The following CTNND2 variants were observed in gnomAD, a reference collection of about 807,000 sequenced individuals.
CTNND2 encodes the protein catenin delta 2.
Under a neutral mutation model 144.4 loss-of-function variants are expected in CTNND2, and 22 were observed. The observed-to-expected ratio is 0.15, with a 90% confidence interval of 0.11 to 0.22. CTNND2 has a LOEUF of 0.22. CTNND2 is among the 10% of genes least tolerant of loss of function. CTNND2 has a pLI of 1.00. For synonymous variants in CTNND2, 751 were observed against 695.6 expected, an observed-to-expected ratio of 1.08 and a Z score of -1.25; for missense variants, 1,353 against 1,618.8, an observed-to-expected ratio of 0.84 and a Z score of 2.82.
chr5:11,143,579 T>C (rs934532813), intron 12 of CTNND2, among the ~76,000 whole-genome samples: 1 of 152,232 alleles, frequency 6.6e-6, no homozygotes, highest in Admixed American at 6.5e-5. Flanking sequence ...ATCAGTCACA[T>C]TGGATTGGAG....
intron 3 of CTNND2, among the ~76,000 whole-genome samples, chr5:11,426,254 T>C (rs987260952): frequency 2.6e-5 from 4 of 152,216 alleles, no homozygotes; most frequent in African/African-American, 9.6e-5. Flanking sequence ...CCATCACAGC[T>C]TCCTTACTGC....
intron 7 of CTNND2, among the ~76,000 whole-genome samples, chr5:11,365,427 A>T (rs1010010027): frequency 6.6e-6 from 1 of 152,214 alleles, no homozygotes; most frequent in Admixed American, 6.5e-5. Context: ...CGAGAGAAGC[A>T]GATATTAAAG....
intron 9 of CTNND2, among the ~76,000 whole-genome samples, chr5:11,323,476 C>T (rs1561217985): frequency 6.6e-6 from 1 of 152,140 alleles, no homozygotes; most frequent in Non-Finnish European, 1.5e-5. Flanking sequence ...CTGAGCAAGT[C>T]ATTGGGGTCT....
intron 5 of CTNND2, among the ~76,000 whole-genome samples, chr5:11,411,289 G>C (rs888382552): frequency 6.6e-6 from 1 of 152,144 alleles, no homozygotes; most frequent in African/African-American, 2.4e-5. Flanking sequence ...AGAATCACCA[G>C]TATGTCAGTA....
intron 1 of CTNND2, among the ~76,000 whole-genome samples, chr5:11,737,898 G>A (rs758556634): frequency 8.5e-5 from 13 of 152,196 alleles, no homozygotes; most frequent in Non-Finnish European, 1.6e-4. Flanking sequence ...GTGGCCTACT[G>A]GCACCTTGAT....
At chr5:11,074,314 C>T (rs565550941) in intron 16 of CTNND2, among the ~76,000 whole-genome samples, 1 of 152,256 alleles carries the variant, frequency 6.6e-6, no homozygotes, top group East Asian at 1.9e-4. Flanking sequence ...TTCTTAGAGC[C>T]CTCTGTTTCT....
chr5:11,888,247 G>A (rs967804537), intron 1 of CTNND2, among the ~76,000 whole-genome samples: 2 of 152,298 alleles, frequency 1.3e-5, no homozygotes, highest in East Asian at 3.9e-4. Context: ...ATTAAGCCTA[G>A]TGTAGCTTAA....
At position 11,883,067 on chromosome 5, in the gene CTNND2, C is replaced by T. The variant is rs186403751; in HGVS notation, c.37+20750G>A. Reference sequence around the variant, plus strand: ...TTCCTAAGATTGGGGGGTTTGGTAGCTATTGCAAATGGGATTACTTTCTTC... The same window carrying T: ...TTCCTAAGATTGGGGGGTTTGGTAGTTATTGCAAATGGGATTACTTTCTTC... On this transcript the variant is annotated intron_variant, in intron 1 of 21. Transcript: ENST00000304623. Among the ~76,000 whole-genome samples, 125 of 152,208 alleles carry T rather than the reference C, an allele frequency of 8.2e-4. 1 individual carries two copies. Among genetic ancestry groups the T allele is most frequent in the African/African-American group, 2.8e-3 (117 of 41,536 alleles).
At chr5:11,660,112 T>C (rs1039375548) in intron 2 of CTNND2, among the ~76,000 whole-genome samples, 8 of 152,072 alleles carry the variant, frequency 5.3e-5, no homozygotes, top group African/African-American at 2.4e-5. Context: ...AGCTCAGCAG[T>C]TTGTGCTTGA....
chr5:11,053,353 A>G (rs1025420725), intron 16 of CTNND2, among the ~76,000 whole-genome samples: 4 of 152,246 alleles, frequency 2.6e-5, no homozygotes, highest in African/African-American at 9.6e-5. Flanking sequence ...TTTGGAATAA[A>G]GCAAAGCATA....
intron 2 of CTNND2, among the ~76,000 whole-genome samples, chr5:11,645,168 GT>G (rs1348617286): frequency 6.6e-6 from 1 of 151,876 alleles, no homozygotes; most frequent in African/African-American, 2.4e-5. Context: ...GTTTCACTGT[GT>G]TACCCAAGTT....
intron 9 of CTNND2, among the ~76,000 whole-genome samples, chr5:11,316,613 G>T (rs1275512590): frequency 2.6e-5 from 4 of 151,530 alleles, no homozygotes; most frequent in African/African-American, 7.3e-5. Context: ...TTAGCATTAG[G>T]TATATCTTCC....
chr5:11,857,561 T>C (rs1795308955), intron 1 of CTNND2, among the ~76,000 whole-genome samples: 1 of 152,206 alleles, frequency 6.6e-6, no homozygotes, highest in South Asian at 2.1e-4. Flanking sequence ...TCTTGTCATT[T>C]GGAGCCAGAA....
At chr5:11,593,990 A>G (rs921519108) in intron 2 of CTNND2, among the ~76,000 whole-genome samples, 4 of 152,346 alleles carry the variant, frequency 2.6e-5, no homozygotes, top group African/African-American at 9.6e-5. Context: ...AAAATGTTAA[A>G]ATAAATGTGA....
At position 11,346,498 on chromosome 5, in the gene CTNND2, T is replaced by A. The variant is rs775007495; in HGVS notation, c.1502A>T (p.Asp501Val). 3 of 1,606,016 alleles carry A rather than the reference T, an allele frequency of 1.9e-6. No individual in the cohort carries two copies. Among genetic ancestry groups the A allele is most frequent in the East Asian group, 4.5e-5 (2 of 44,072 alleles). Residue 501 changes from aspartate (D) to valine (V), a missense_variant, in exon 9 of 22, where the codon GAC becomes GTC. Physicochemically the swap from Asp to Val is radical, Grantham distance 152. This residue lies in a region of CTNND2 where 708 missense variants were observed against 706.4 expected (regional missense o/e 1.00). Transcript: ENST00000304623. Reference sequence around the variant, plus strand: ...ACAATACTGCAGCTGTCGGTAGGGGTCCGCGTAATTGGAGGCTGGGCCGGC... The same window carrying A: ...ACAATACTGCAGCTGTCGGTAGGGGACCGCGTAATTGGAGGCTGGGCCGGC... Reference protein sequence around the residue: ...YAAGPASNYADPYRQLQYCPS... With the variant: ...YAAGPASNYAVPYRQLQYCPS...
intron 18 of CTNND2, among the ~76,000 whole-genome samples, chr5:11,000,856 G>A (rs1159944728): frequency 6.6e-6 from 1 of 152,134 alleles, no homozygotes; most frequent in Non-Finnish European, 1.5e-5. Flanking sequence ...GTTATTCCGG[G>A]TAGGGCCTGG....
intron 3 of CTNND2, among the ~76,000 whole-genome samples, chr5:11,561,879 C>G (rs1024005886): frequency 1.6e-4 from 24 of 151,902 alleles, no homozygotes; most frequent in Non-Finnish European, 2.8e-4. Context: ...CTGTCTCTAC[C>G]TAAAATATTT....
At chr5:11,746,534 G>A (rs981888707) in intron 1 of CTNND2, among the ~76,000 whole-genome samples, 2 of 152,014 alleles carry the variant, frequency 1.3e-5, no homozygotes, top group Non-Finnish European at 2.9e-5. Flanking sequence ...ATGTGACTAT[G>A]GCCCCTTTTT....
At chr5:11,441,848 GC>G in intron 3 of CTNND2, among the ~76,000 whole-genome samples, 1 of 152,014 alleles carries the variant, frequency 6.6e-6, no homozygotes, top group East Asian at 1.9e-4. Context: ...AGATATTTTC[GC>G]CAATATGTGC....
Sources: gnomAD v4.1 joint callset for allele counts (sites outside exome capture counted in the v4.1 genomes callset) on GRCh38, gnomAD v4.1.1 for gene constraint, gnomAD v4.1.1 regional missense constraint, MANE v1.5 for transcripts, NCBI Gene and HGNC (gene_info 2026-07-23, HGNC 2026-07-21) for gene names.